The following SCAPER variants were observed in gnomAD, a reference collection of about 807,000 sequenced individuals.
SCAPER encodes S-phase cyclin A associated protein in the ER.
A neutral mutation model predicts 182.2 loss-of-function variants in SCAPER; 98 were observed. That is an observed-to-expected ratio of 0.54 (90% CI 0.46 to 0.64). The LOEUF is 0.64. SCAPER is among the 30% of genes least tolerant of loss of function. The pLI, the probability that SCAPER is intolerant of heterozygous loss-of-function variation, is 0.00. For missense variants in SCAPER, 1,432 were observed against 1,690.0 expected (o/e 0.85, Z 2.68); for synonymous variants, 605 against 564.6 (o/e 1.07, Z -1.01).
At chr15:76,464,608 G>A (rs1274865373) in intron 25 of SCAPER, among the ~76,000 whole-genome samples, 1 of 151,998 alleles carries the variant, frequency 6.6e-6, no homozygotes, top group African/African-American at 2.4e-5. Flanking sequence ...TAGTGTTTAA[G>A]AGTCAATTGT....
rs74552369 is a variant in SCAPER at position 76,360,901 on chromosome 15, T to C, written c.3856-6761A>G. Among the ~76,000 whole-genome samples the C allele has an allele frequency of 7.4e-4, 113 of 152,302 alleles. No homozygotes were observed. In the East Asian group the frequency reaches 0.015, roughly 20 times the overall value. On this transcript the variant is annotated intron_variant, in intron 29 of 31. Coordinates refer to ENST00000563290, the MANE Select transcript of SCAPER (RefSeq NM_020843.4). ...AGGATGGCCATTTATTTGGATGCCTTCTGGAGCAGCCTTGACAGGTTTTGA... is the reference window on the plus strand; with the variant it reads ...AGGATGGCCATTTATTTGGATGCCTCCTGGAGCAGCCTTGACAGGTTTTGA...
At chr15:76,374,723 G>A (rs2042423194) in intron 29 of SCAPER, among the ~76,000 whole-genome samples, 1 of 151,686 alleles carries the variant, frequency 6.6e-6, no homozygotes, top group Non-Finnish European at 1.5e-5. Flanking sequence ...CTGACCTCAG[G>A]TGATCCACCT....
chr15:76,591,838 T>C (rs529619983), intron 22 of SCAPER, among the ~76,000 whole-genome samples: 6 of 152,288 alleles, frequency 3.9e-5, no homozygotes, highest in South Asian at 4.1e-4. Flanking sequence ...AGTGGGTGGA[T>C]TGCTTTACCT....
At position 76,727,020 on chromosome 15, in the gene SCAPER, C is replaced by T. The variant is rs1403321188; in HGVS notation, c.2165+1575G>A. ...AATTTCATGCTATTTATATTTTTTG[C>T]CACAATAGAAAAGCATACAAAAATC... is the stretch of plus-strand genomic sequence containing the variant. On this transcript the variant is annotated intron_variant, in intron 17 of 31. Transcript: ENST00000563290. Among the ~76,000 whole-genome samples, 5 of 150,896 alleles carry T rather than the reference C, an allele frequency of 3.3e-5. No individual in the cohort carries two copies. The East Asian group carries it at 9.8e-4, about 30-fold the overall frequency.
chr15:76,714,843 A>T (rs1257131766), intron 17 of SCAPER, among the ~76,000 whole-genome samples: 2 of 152,190 alleles, frequency 1.3e-5, no homozygotes, highest in South Asian at 2.1e-4. Context: ...ATTGAAGTGG[A>T]GCTTATCCCA....
chr15:76,661,409 A>G (rs2056151815), intron 21 of SCAPER, among the ~76,000 whole-genome samples: 1 of 152,194 alleles, frequency 6.6e-6, no homozygotes, highest in African/African-American at 2.4e-5. Context: ...AGAATGGGAG[A>G]AAAATTTTTC....
At chr15:76,897,598 T>C (rs2074509213) in intron 1 of SCAPER, among the ~76,000 whole-genome samples, 1 of 151,996 alleles carries the variant, frequency 6.6e-6, no homozygotes, top group South Asian at 2.1e-4. Context: ...TCCCAGGTAC[T>C]CAGAAGACTG....
intron 29 of SCAPER, among the ~76,000 whole-genome samples, chr15:76,369,158 G>A (rs1053322083): frequency 3.3e-5 from 5 of 152,152 alleles, no homozygotes; most frequent in Admixed American, 6.5e-5. Flanking sequence ...CAAATAAAAA[G>A]TGCCAATCCT....
chr15:76,607,054 T>C (rs1363752108), intron 22 of SCAPER, among the ~76,000 whole-genome samples: 3 of 152,236 alleles, frequency 2.0e-5, no homozygotes, highest in African/African-American at 7.2e-5. Context: ...TTTGATCCTG[T>C]CATTATGATG....
chr15:76,700,443 C>T (rs1433610956), intron 20 of SCAPER, among the ~76,000 whole-genome samples: 7 of 152,202 alleles, frequency 4.6e-5, no homozygotes, highest in Non-Finnish European at 8.8e-5. Flanking sequence ...GTGGACCACT[C>T]CTTGCTTAGT....
intron 23 of SCAPER, among the ~76,000 whole-genome samples, chr15:76,531,133 T>C (rs2043624869): frequency 6.6e-6 from 1 of 152,158 alleles, no homozygotes; most frequent in Non-Finnish European, 1.5e-5. Context: ...AATAAAAAAG[T>C]TGATTATAAA....
At chr15:76,490,454 T>C (rs997106856) in intron 24 of SCAPER, among the ~76,000 whole-genome samples, 4 of 152,220 alleles carry the variant, frequency 2.6e-5, no homozygotes, top group African/African-American at 7.2e-5. Context: ...TGTAAAGATA[T>C]AGTAGATCTA....
chr15:76,735,396 G>C (rs1242001742), intron 15 of SCAPER, among the ~76,000 whole-genome samples: 1 of 151,718 alleles, frequency 6.6e-6, no homozygotes, highest in Non-Finnish European at 1.5e-5. Flanking sequence ...GCAACAATTT[G>C]GAAGAAAATA....
intron 6 of SCAPER, among the ~76,000 whole-genome samples, chr15:76,804,021 C>T (rs2065964737): frequency 6.6e-6 from 1 of 152,148 alleles, no homozygotes; most frequent in Admixed American, 6.5e-5. Context: ...TTCCTCATTG[C>T]CTAATACATT....
Position 76,766,898 on chromosome 15 carries a change from T to TA in SCAPER, c.1419+19dup. ...AAATATAAATTTTGAATAGTTATGT[T>TA]AAAAAGTCTAAAAGCTCACAGAAAA... On this transcript the variant is annotated intron_variant, in intron 11 of 31. Coordinates refer to ENST00000563290, the MANE Select transcript of SCAPER (RefSeq NM_020843.4). 6 of 1,575,556 alleles carry TA rather than the reference T, an allele frequency of 3.8e-6. No homozygotes were observed. The highest frequency in any genetic ancestry group is 5.1e-6 in the Non-Finnish European group (6 of 1,168,170).
chr15:76,588,696 G>A (rs2048874708), intron 22 of SCAPER, among the ~76,000 whole-genome samples: 1 of 152,210 alleles, frequency 6.6e-6, no homozygotes, highest in African/African-American at 2.4e-5. Flanking sequence ...TATAGGTCCT[G>A]TGAGATTTAC....
chr15:76,416,240 C>T (rs989792227), intron 26 of SCAPER, among the ~76,000 whole-genome samples: 7 of 151,156 alleles, frequency 4.6e-5, no homozygotes, highest in Admixed American at 1.3e-4. Flanking sequence ...TTTGGAAGGC[C>T]GAGGCAGGTG....
chr15:76,416,213 G>A (rs181617495), intron 26 of SCAPER, among the ~76,000 whole-genome samples: 1 of 151,832 alleles, frequency 6.6e-6, no homozygotes, highest in Non-Finnish European at 1.5e-5. Flanking sequence ...GGTGGCTCAC[G>A]CCTGTAATCC....
At position 76,354,307 on chromosome 15, in the gene SCAPER, G is replaced by GA. The variant is rs201731697; in HGVS notation, c.3856-168dup. On this transcript the variant is annotated intron_variant, in intron 29 of 31. Transcript: ENST00000563290. The surrounding 1 kb of genome is among the most constrained non-coding windows in gnomAD (Gnocchi z 4.4). ...ATTTAAGTGATACTTGAAAAGAGCAGAAAAAAAAAATCTCATTTCCCAACT... is the reference window on the plus strand; with the variant it reads ...ATTTAAGTGATACTTGAAAAGAGCAGAAAAAAAAAAATCTCATTTCCCAACT... 6.3e-3 allele frequency: 2,946 copies of GA among 466,964 alleles called. No homozygotes were observed. Among genetic ancestry groups the GA allele is most frequent in the South Asian group, 0.01 (232 of 22,962 alleles). The allele number at this position is 466,964 out of a possible 1,614,324, so 28.9% of individuals were successfully genotyped here.
Sources: allele counts gnomAD v4.1 joint callset (sites outside exome capture counted in the v4.1 genomes callset), GRCh38; gene constraint gnomAD v4.1.1; non-coding constraint Gnocchi (gnomAD v3.1); transcripts MANE v1.5; gene names NCBI Gene and HGNC (gene_info 2026-07-23, HGNC 2026-07-21).